The following BMPER variants were observed in gnomAD, a reference collection of about 807,000 sequenced individuals.
The protein encoded by BMPER is BMP binding endothelial regulator.
Under a neutral mutation model 87.3 loss-of-function variants are expected in BMPER, and 45 were observed. The ratio of observed to expected loss-of-function variants is 0.52; its 90% CI spans 0.41 to 0.66. The LOEUF is 0.66. Ranked by LOEUF, BMPER falls within the 30% of genes least tolerant of loss-of-function variation. The pLI is 0.00. For synonymous variants in BMPER, 326 were observed against 316.2 expected (o/e 1.03, Z -0.33); for missense variants, 784 against 867.5 (o/e 0.90, Z 1.21).
intron 13 of BMPER, among the ~76,000 whole-genome samples, chr7:34,118,568 A>T (rs1428837213): frequency 6.6e-6 from 1 of 152,118 alleles, no homozygotes; most frequent in Non-Finnish European, 1.5e-5. Flanking sequence ...TGTGGCATGT[A>T]TGTGGTTTTC....
intron 7 of BMPER, among the ~76,000 whole-genome samples, chr7:34,048,089 C>T (rs1174852591): frequency 6.6e-6 from 1 of 151,842 alleles, no homozygotes; most frequent in Admixed American, 6.6e-5. Flanking sequence ...TCCGTTAATG[C>T]CCACGCCTTT....
intron 11 of BMPER, 23 bp downstream of exon 11, chr7:34,062,070 G>A: frequency 6.3e-7 from 1 of 1,597,054 alleles, no homozygotes; most frequent in Non-Finnish European, 8.6e-7. Context: ...CTTTGAAAAT[G>A]TGCTATTAGT....
intron 6 of BMPER, among the ~76,000 whole-genome samples, chr7:34,045,689 G>A (rs917849863): frequency 2.6e-5 from 4 of 152,124 alleles, no homozygotes; most frequent in African/African-American, 9.7e-5. Flanking sequence ...CTGAATATGG[G>A]CTTTCAGTGT....
At position 33,976,301 on chromosome 7, in the gene BMPER, C is replaced by T. The variant is rs557476318; in HGVS notation, c.576+1517C>T. Among the ~76,000 whole-genome samples, 515 of 151,812 alleles carry T rather than the reference C, an allele frequency of 3.4e-3. 5 individuals are homozygous for T. Among genetic ancestry groups the T allele is most frequent in the African/African-American group, 0.011 (444 of 41,382 alleles). On this transcript the variant is annotated intron_variant, in intron 6 of 14. Coordinates refer to ENST00000649409, the MANE Select transcript of BMPER (RefSeq NM_001365308.1). ...CCAAGTAGCTGGGATTACAGGTGTG[C>T]GCCACCAGGCCTGGCTAATTTTTGT...
In BMPER at chr7:34,044,528, A is replaced by G. The variant is rs551409846; in HGVS notation, c.577-1778A>G. Reference sequence around the variant, plus strand: ...TCTTGGGTCCTCCCTCTTGTGCTTCATGTCTAAGCTGGGGCTGACCCCAGG... The same window carrying G: ...TCTTGGGTCCTCCCTCTTGTGCTTCGTGTCTAAGCTGGGGCTGACCCCAGG... On this transcript the variant is annotated intron_variant, in intron 6 of 14. Transcript: ENST00000649409. Among the ~76,000 whole-genome samples the G allele has an allele frequency of 2.3e-4, 35 of 152,202 alleles. No homozygotes were observed. In the East Asian group the frequency reaches 6.2e-3, roughly 27 times the overall value.
intron 2 of BMPER, among the ~76,000 whole-genome samples, chr7:33,936,658 A>G (rs1784610586): frequency 1.3e-5 from 2 of 152,258 alleles, no homozygotes; most frequent in South Asian, 2.1e-4. Context: ...GGAAAAAACC[A>G]AAGATGCAAA....
intron 3 of BMPER, among the ~76,000 whole-genome samples, chr7:33,948,065 T>C (rs1231174605): frequency 6.6e-6 from 1 of 152,232 alleles, no homozygotes; most frequent in Non-Finnish European, 1.5e-5. Flanking sequence ...AAACTTAGTT[T>C]GGCAATCATT....
chr7:34,055,664 A>C (rs750920013), intron 9 of BMPER, among the ~76,000 whole-genome samples: 2 of 152,200 alleles, frequency 1.3e-5, no homozygotes, highest in Non-Finnish European at 2.9e-5. Flanking sequence ...TGATGGATCT[A>C]TACAGCTTGA....
intron 6 of BMPER, among the ~76,000 whole-genome samples, chr7:33,997,014 G>A (rs1394145863): frequency 1.3e-5 from 2 of 152,236 alleles, no homozygotes; most frequent in Admixed American, 6.5e-5. Context: ...TGGGGGATAA[G>A]GAAGGAGCAG....
intron 6 of BMPER, among the ~76,000 whole-genome samples, chr7:34,042,003 G>C (rs1787845364): frequency 6.6e-6 from 1 of 152,142 alleles, no homozygotes; most frequent in Non-Finnish European, 1.5e-5. Context: ...TGGGCACTCA[G>C]CTGTTGGAGA....
At position 34,155,911 on chromosome 7, in the gene BMPER, C is replaced by T. The variant is rs977688404; in HGVS notation, c.*2638C>T. 1 of 152,206 alleles carries T rather than the reference C, an allele frequency of 6.6e-6. No individual in the cohort carries two copies. The highest frequency in any genetic ancestry group is 2.4e-5 in the African/African-American group (1 of 41,472). The allele number at this position is 152,206 out of a possible 1,614,324, so 9.4% of individuals were successfully genotyped here. ...ACAAGCACCCTCAATGAAGAACAAG[C>T]ATAATTATGATTCTAATTGCCCATT... On this transcript the variant is annotated 3_prime_UTR_variant, in exon 15 of 15. Transcript: ENST00000649409.
At chr7:33,920,100 CT>C (rs1284656597) in intron 2 of BMPER, among the ~76,000 whole-genome samples, 3 of 152,178 alleles carry the variant, frequency 2.0e-5, no homozygotes, top group African/African-American at 7.2e-5. Context: ...AGCCTGAACA[CT>C]AGTGACAAGG....
At chr7:34,135,820 A>C (rs927583510) in intron 13 of BMPER, among the ~76,000 whole-genome samples, 1 of 152,184 alleles carries the variant, frequency 6.6e-6, no homozygotes, top group Non-Finnish European at 1.5e-5. Flanking sequence ...ACAGAGCTCC[A>C]TGAGTGCCTT....
Position 34,060,298 on chromosome 7 carries a change from G to A in BMPER, c.1033-1704G>A, listed in dbSNP as rs1200880303. Among the ~76,000 whole-genome samples the A allele has an allele frequency of 4.6e-5, 7 of 151,772 alleles. No homozygotes were observed. The South Asian group carries it at 1.0e-3, about 23-fold the overall frequency. The stretch of plus-strand genomic sequence containing the variant: ...GTAGTCACATTTGTTTGGAGTCTTG[G>A]CTTTAAGGTGGCTCTGCTGCATTGG... On this transcript the variant is annotated intron_variant, in intron 10 of 14. Coordinates refer to ENST00000649409, the MANE Select transcript of BMPER (RefSeq NM_001365308.1).
At chr7:33,926,506 G>C (rs1001451227) in intron 2 of BMPER, among the ~76,000 whole-genome samples, 1 of 152,148 alleles carries the variant, frequency 6.6e-6, no homozygotes, top group African/African-American at 2.4e-5. Context: ...GGCCACTCTC[G>C]TTTCTTTATA....
intron 13 of BMPER, among the ~76,000 whole-genome samples, chr7:34,141,044 G>A (rs530515392): frequency 6.6e-6 from 1 of 152,198 alleles, no homozygotes; most frequent in African/African-American, 2.4e-5. Flanking sequence ...AGAACCTGGG[G>A]CAGCCGAAAA....
intron 2 of BMPER, among the ~76,000 whole-genome samples, chr7:33,914,117 T>C (rs1260254797): frequency 1.3e-5 from 2 of 151,520 alleles, no homozygotes; most frequent in African/African-American, 2.4e-5. Context: ...CGCCCGCCAC[T>C]ATGCCCGGCT....
chr7:34,022,605 A>G (rs946552357), intron 6 of BMPER, among the ~76,000 whole-genome samples: 9 of 151,250 alleles, frequency 6.0e-5, no homozygotes, highest in African/African-American at 2.2e-4. Flanking sequence ...TCTGAGCTCT[A>G]CTGCTCAGCC....
At chr7:33,980,378 A>T (rs1039430062) in intron 6 of BMPER, among the ~76,000 whole-genome samples, 5 of 152,202 alleles carry the variant, frequency 3.3e-5, no homozygotes, top group African/African-American at 1.2e-4. Flanking sequence ...CTTTCCTACC[A>T]CTGAAGCAAA....
Sources: gnomAD v4.1 joint callset for allele counts (sites outside exome capture counted in the v4.1 genomes callset) on GRCh38, gnomAD v4.1.1 for gene constraint, MANE v1.5 for transcripts, NCBI Gene and HGNC (gene_info 2026-07-23, HGNC 2026-07-21) for gene names.